ABR: variants seen among roughly 807,000 people sequenced by gnomAD.
The protein encoded by ABR is active breakpoint cluster region-related protein.
Under a neutral mutation model 107.2 loss-of-function variants are expected in ABR, and 35 were observed. The ratio of observed to expected loss-of-function variants is 0.33; its 90% confidence interval spans 0.25 to 0.43. ABR has a LOEUF of 0.43. Among genes scored for constraint, ABR ranks in the 20% least tolerant of loss-of-function variants. The pLI, the probability that ABR is intolerant of heterozygous loss-of-function variation, is 1.00. For synonymous variants in ABR, 498 were observed against 462.0 expected (o/e 1.08, Z -1.00); for missense variants, 815 against 1,115.2 (o/e 0.73, Z 3.83).
At chr17:1,015,291 C>T (rs748578241) in intron 16 of ABR, among the ~76,000 whole-genome samples, 9 of 151,510 alleles carry the variant, frequency 5.9e-5, no homozygotes, top group South Asian at 2.1e-4. Context: ...GTGGCGGGCA[C>T]TGTAGTCCAA....
chr17:1,162,139 GAA>G (rs2041322702), intron 1 of ABR, among the ~76,000 whole-genome samples: 1 of 152,210 alleles, frequency 6.6e-6, no homozygotes, highest in Admixed American at 6.5e-5. Flanking sequence ...CTGAGGATGT[GAA>G]AAGACTCAGT....
intron 5 of ABR, among the ~76,000 whole-genome samples, chr17:1,082,023 C>T (rs931645899): frequency 6.6e-6 from 1 of 152,052 alleles, no homozygotes; most frequent in Non-Finnish European, 1.5e-5. Context: ...TGCTGCCTCT[C>T]GGTGGATTCT....
intron 1 of ABR, among the ~76,000 whole-genome samples, chr17:1,168,625 G>GA (rs2041599346): frequency 6.6e-6 from 1 of 152,234 alleles, no homozygotes; most frequent in Admixed American, 6.5e-5. Context: ...GCAAAGGAGA[G>GA]AAAATGGTCT....
intron 1 of ABR, among the ~76,000 whole-genome samples, chr17:1,151,110 TG>T (rs1439470195): frequency 6.6e-6 from 1 of 152,196 alleles, no homozygotes; most frequent in East Asian, 1.9e-4. Flanking sequence ...TCTGTGCCTC[TG>T]TTTTACCTTC....
intron 18 of ABR, chr17:1,012,198 A>G: frequency 1.3e-6 from 1 of 757,752 alleles, no homozygotes. Context: ...GGACGTGGGC[A>G]GGAGAAGCCT....
intron 16 of ABR, among the ~76,000 whole-genome samples, chr17:1,040,302 C>A (rs954997107): frequency 6.6e-6 from 1 of 152,208 alleles, no homozygotes; most frequent in Non-Finnish European, 1.5e-5. Flanking sequence ...CCTGCCCTGG[C>A]GGGCTCCGGC....
chr17:1,095,046 C>T (rs769270116), intron 3 of ABR, among the ~76,000 whole-genome samples: 1 of 152,176 alleles, frequency 6.6e-6, no homozygotes, highest in Admixed American at 6.5e-5. Context: ...CAGGACCCCA[C>T]GGAGGAGCCC....
At chr17:1,120,118 G>A (rs532354067) in intron 2 of ABR, among the ~76,000 whole-genome samples, 70 of 152,242 alleles carry the variant, frequency 4.6e-4, no homozygotes, top group African/African-American at 1.6e-3. Context: ...GTAATGTGGA[G>A]ATGGTTATAG....
At chr17:1,110,312 C>T (rs1446479842) in intron 2 of ABR, among the ~76,000 whole-genome samples, 3 of 152,018 alleles carry the variant, frequency 2.0e-5, no homozygotes, top group African/African-American at 7.2e-5. Context: ...CTTTTACAAC[C>T]CAACGATGGA....
At chr17:1,205,598 C>G (rs931142263) in intron 1 of ABR, among the ~76,000 whole-genome samples, 1 of 152,188 alleles carries the variant, frequency 6.6e-6, no homozygotes, top group African/African-American at 2.4e-5. Flanking sequence ...ACTGCTTGAC[C>G]CAGCAGTTTG....
At chr17:1,053,718 A>G (rs1342789625) in intron 14 of ABR, among the ~76,000 whole-genome samples, 2 of 152,046 alleles carry the variant, frequency 1.3e-5, no homozygotes, top group Non-Finnish European at 2.9e-5. Context: ...GAGATTTTGG[A>G]GCAGCTCAGC....
intron 1 of ABR, among the ~76,000 whole-genome samples, chr17:1,171,978 C>T (rs2041730179): frequency 6.6e-6 from 1 of 152,280 alleles, no homozygotes; most frequent in Non-Finnish European, 1.5e-5. Flanking sequence ...TCAATCAGGT[C>T]ACCACAGAGC....
upstream of ABR, among the ~76,000 whole-genome samples, chr17:1,180,153 G>C (rs1256502895): frequency 6.6e-6 from 1 of 151,872 alleles, no homozygotes; most frequent in African/African-American, 2.4e-5. Context: ...CCGGCGCTGG[G>C]CGAGGAGGGG....
intron 16 of ABR, among the ~76,000 whole-genome samples, chr17:1,044,616 A>C (rs733790): frequency 0.56 from 83,483 of 149,982 alleles, 23,853 homozygotes; most frequent in East Asian, 0.83. Context: ...GCGCCATTGC[A>C]CTCCAGCCTG....
At chr17:1,160,467 T>C (rs1479683238) in intron 1 of ABR, among the ~76,000 whole-genome samples, 4 of 152,202 alleles carry the variant, frequency 2.6e-5, no homozygotes, top group Non-Finnish European at 4.4e-5. Context: ...GCAACCAGCA[T>C]TGACACCTAC....
intron 2 of ABR, among the ~76,000 whole-genome samples, chr17:1,123,748 G>A (rs922353683): frequency 6.6e-6 from 1 of 152,140 alleles, no homozygotes; most frequent in Admixed American, 6.5e-5. Context: ...AGATGGGAGC[G>A]AGAGTCTTCT....
chr17:1,012,636 G>T, intron 18 of ABR, 52 bp downstream of exon 18: 1 of 1,400,756 alleles, frequency 7.1e-7, no homozygotes, highest in Non-Finnish European at 9.9e-7. Context: ...CCCGGGCTGG[G>T]GGGGACCCGG....
Position 1,050,421 on chromosome 17 carries a change from C to T in ABR, c.1659+116G>A. The T allele has an allele frequency of 1.9e-6, 2 of 1,069,060 alleles. No homozygotes were observed. Among genetic ancestry groups the T allele is most frequent in the Non-Finnish European group, 2.8e-6 (2 of 703,304 alleles). The allele number at this position is 1,069,060 out of a possible 1,614,324, so 66.2% of individuals were successfully genotyped here. ...GATCAGAAGCCAGAGGAGCAGGGAG[C>T]AGAAAGGGGGGTGCAGACATAGCTG... On this transcript the variant is annotated intron_variant, in intron 15 of 22. Transcript: ENST00000302538. The surrounding 1 kb of genome is among the most constrained non-coding windows in gnomAD (Gnocchi z 4.6).
intron 1 of ABR, among the ~76,000 whole-genome samples, chr17:1,137,456 G>A (rs777383470): frequency 5.3e-5 from 8 of 152,054 alleles, no homozygotes; most frequent in Non-Finnish European, 1.0e-4. Flanking sequence ...GAATAGGGAG[G>A]CTGGAGCGGG....
Sources: allele counts gnomAD v4.1 joint callset (sites outside exome capture counted in the v4.1 genomes callset), GRCh38; gene constraint gnomAD v4.1.1; non-coding constraint Gnocchi (gnomAD v3.1); transcripts MANE v1.5; gene names NCBI Gene and HGNC (gene_info 2026-07-23, HGNC 2026-07-21).